The following TATDN3 variants were observed in gnomAD, a reference collection of about 807,000 sequenced individuals.
The protein encoded by TATDN3 is TatD DNase domain containing 3, also known as deoxyribonuclease TATDN3.
A neutral mutation model predicts 40.1 loss-of-function variants in TATDN3; 29 were observed. That is an observed-to-expected ratio of 0.72 (90% CI 0.54 to 0.99). TATDN3 has a LOEUF of 0.99. Ranked by LOEUF, TATDN3 falls within the 50% of genes least tolerant of loss-of-function variation. The pLI is 0.00. For missense variants in TATDN3, 309 were observed against 321.9 expected (o/e 0.96, Z 0.31); for synonymous variants, 105 against 117.0 (o/e 0.90, Z 0.66).
At chr1:212,797,480 ATACT>A (rs1252799439) in intron 4 of TATDN3, 2 of 304,978 alleles carry the variant, frequency 6.6e-6, no homozygotes, top group East Asian at 6.3e-5. Flanking sequence ...CACATGGAAA[ATACT>A]TACTGTATAA....
In TATDN3 at chr1:212,791,894, G is replaced by C. The variant is rs1010776617; in HGVS notation, c.-28G>C. 2.5e-6 allele frequency: 4 copies of C among 1,612,064 alleles called. No homozygotes were observed. The African/African-American group carries it at 4.0e-5, about 16-fold the overall frequency. Reference sequence around the variant, plus strand: ...CGTTCCGGCTCCGGCTCTGCTGGCCGGTCTAAAGCGGCAGCCGCCGGGGCG... The same window carrying C: ...CGTTCCGGCTCCGGCTCTGCTGGCCCGTCTAAAGCGGCAGCCGCCGGGGCG... On this transcript the variant is annotated 5_prime_UTR_variant, in exon 1 of 10. Transcript: ENST00000366974.
chr1:212,806,983 G>A (rs536700758), intron 7 of TATDN3, among the ~76,000 whole-genome samples: 3 of 146,082 alleles, frequency 2.1e-5, no homozygotes, highest in East Asian at 4.0e-4. Context: ...TCACTCTGTC[G>A]CCCAGGCTGG....
intron 4 of TATDN3, among the ~76,000 whole-genome samples, chr1:212,801,945 C>T (rs1662201893): frequency 6.6e-6 from 1 of 152,116 alleles, no homozygotes; most frequent in African/African-American, 2.4e-5. Context: ...CCTTCCTTTT[C>T]TTAATTCTCT....
intron 7 of TATDN3, among the ~76,000 whole-genome samples, chr1:212,806,803 TATACACATATATACAC>T (rs1662534016): frequency 8.9e-6 from 1 of 112,614 alleles, no homozygotes; most frequent in Non-Finnish European, 1.8e-5. Context: ...CACACACATA[TATACACATATATACAC>T]ATATATACAT....
At chr1:212,794,644 G>A (rs1290263574) in intron 1 of TATDN3, 1 of 407,688 alleles carries the variant, frequency 2.5e-6, no homozygotes. Flanking sequence ...AACCATGAGA[G>A]GAAGTGAAAT....
At chr1:212,792,145 A>G (rs111506355) in intron 1 of TATDN3, among the ~76,000 whole-genome samples, 158 bp downstream of exon 1, 2,307 of 151,942 alleles carry the variant, frequency 0.015, 64 homozygotes, top group African/African-American at 0.053. Context: ...CCTATTCCCT[A>G]TTTAACCTCA....
chr1:212,796,500 CTTTT>C lies in TATDN3; in HGVS notation c.100-7_100-4del. ...AATGTATATTGTTTGTAACTTTATT[CTTTT>C]TTTTTTTTTCAGGCCAATGTTGTGG... On this transcript the variant is annotated splice_polypyrimidine_tract_variant and intron_variant, in intron 2 of 9. Coordinates refer to ENST00000366974, the MANE Select transcript of TATDN3 (RefSeq NM_001042552.3). The C allele has an allele frequency of 3.8e-6, 5 of 1,323,562 alleles. No homozygotes were observed. The highest frequency in any genetic ancestry group is 1.7e-5 in the South Asian group (1 of 59,658). 82.0% of individuals were successfully genotyped at this position (1,323,562 alleles called of 1,614,324 possible). A position where few individuals can be genotyped will look rare whatever the true frequency, so the allele number is the denominator to read the frequency against.
At chr1:212,809,568 C>T (rs1300410598) in intron 8 of TATDN3, among the ~76,000 whole-genome samples, 1 of 151,952 alleles carries the variant, frequency 6.6e-6, no homozygotes, top group Non-Finnish European at 1.5e-5. Context: ...CCTGTAGTCC[C>T]ACCTACTCGG....
At chr1:212,792,021 G>A in intron 1 of TATDN3, 34 bp downstream of exon 1, 2 of 1,606,816 alleles carry the variant, frequency 1.2e-6, no homozygotes, top group Non-Finnish European at 1.7e-6. Flanking sequence ...AGAGGGAGCA[G>A]GGAGGCCCCC....
chr1:212,806,637 T>G (rs1005082900), intron 7 of TATDN3, among the ~76,000 whole-genome samples: 2 of 149,758 alleles, frequency 1.3e-5, no homozygotes, highest in East Asian at 2.0e-4. Flanking sequence ...CATCTCAGCA[T>G]CCCAGAGTGC....
rs1432128145 is a variant in TATDN3, at chr1:212,812,312, T to C, written c.665T>C (p.Leu222Pro). The change falls in exon 9 of 10, where the codon CTA becomes CCA. Residue 222 changes from leucine to proline, a missense_variant. Physicochemically the swap from Leu to Pro is moderately conservative, Grantham distance 98. Transcript: ENST00000366974. Reference protein sequence around the residue: ...SICLETDSPALGPEKQVRNEP... With the variant: ...SICLETDSPAPGPEKQVRNEP... ...TGCTTAGAAACAGATTCACCTGCAC[T>C]AGGACCAGAAAAACAGGTAAATGGT... 6.5e-7 allele frequency: 1 copy of C among 1,548,764 alleles called. No individual in the cohort carries two copies. The highest frequency in any genetic ancestry group is 8.7e-7 in the Non-Finnish European group (1 of 1,143,784).
chr1:212,801,873 A>T (rs1662198288), intron 4 of TATDN3, among the ~76,000 whole-genome samples: 1 of 152,086 alleles, frequency 6.6e-6, no homozygotes, highest in East Asian at 1.9e-4. Context: ...ACCCTCCTTC[A>T]TCTTTGTTCT....
chr1:212,803,324 A>G (rs1005557963), intron 5 of TATDN3, among the ~76,000 whole-genome samples: 1 of 151,946 alleles, frequency 6.6e-6, no homozygotes, highest in Non-Finnish European at 1.5e-5. Flanking sequence ...CTGGGATTAC[A>G]GGCATGCACC....
intron 7 of TATDN3, among the ~76,000 whole-genome samples, chr1:212,806,753 T>TCC (rs1397984967): frequency 1.3e-4 from 8 of 62,464 alleles, no homozygotes; most frequent in Admixed American, 4.1e-4. Flanking sequence ...TCTCCATATA[T>TCC]ATATATATAT....
intron 9 of TATDN3, among the ~76,000 whole-genome samples, chr1:212,813,201 G>A (rs1466379502): frequency 6.6e-6 from 1 of 152,044 alleles, no homozygotes; most frequent in Non-Finnish European, 1.5e-5. Flanking sequence ...GATCTTTGCT[G>A]TTAGTATCTC....
rs149084190 is a variant in TATDN3 at position 212,798,859 on chromosome 1, C to T, written c.258+1663C>T. 1.1e-3 allele frequency among the ~76,000 whole-genome samples: 171 copies of T among 152,266 alleles called. 3 individuals are homozygous for T. In the Middle Eastern group the frequency reaches 0.017, roughly 15 times the overall value. On this transcript the variant is annotated intron_variant, in intron 4 of 9. Transcript: ENST00000366974. ...ATTCTAGATGGCCCAGACAGACAGT[C>T]AACAATTACATGAGCAGGAAAACTT... is the stretch of plus-strand genomic sequence containing the variant.
intron 7 of TATDN3, among the ~76,000 whole-genome samples, chr1:212,804,878 CA>C (rs1366115449): frequency 3.3e-5 from 5 of 152,240 alleles, no homozygotes; most frequent in African/African-American, 1.2e-4. Flanking sequence ...AAGTTGAATA[CA>C]ATAATTTATG....
intron 4 of TATDN3, among the ~76,000 whole-genome samples, chr1:212,801,609 G>A (rs1345145295): frequency 6.6e-6 from 1 of 152,126 alleles, no homozygotes; most frequent in African/African-American, 2.4e-5. Context: ...TTTCCTGGGT[G>A]ATTTCTCCTA....
At chr1:212,799,907 A>G (rs1012932521) in intron 4 of TATDN3, among the ~76,000 whole-genome samples, 1 of 152,190 alleles carries the variant, frequency 6.6e-6, no homozygotes, top group Non-Finnish European at 1.5e-5. Flanking sequence ...TCTGGAATAG[A>G]CTAGAGATGA....
Sources: gnomAD v4.1 joint callset for allele counts (sites outside exome capture counted in the v4.1 genomes callset) on GRCh38, gnomAD v4.1.1 for gene constraint, MANE v1.5 for transcripts, NCBI Gene and HGNC (gene_info 2026-07-23, HGNC 2026-07-21) for gene names.